The following DZIP3 variants were observed in gnomAD, a reference collection of about 807,000 sequenced individuals.
DZIP3 encodes DAZ interacting zinc finger protein 3.
In DZIP3, 118 loss-of-function variants were observed where a neutral mutation model predicts 162.0. The ratio of observed to expected loss-of-function variants is 0.73; its 90% CI spans 0.63 to 0.85. The LOEUF is 0.85. Ranked by LOEUF, DZIP3 falls within the 40% of genes least tolerant of loss-of-function variation. DZIP3 has a pLI of 0.00. For synonymous variants in DZIP3, 438 were observed against 458.6 expected (o/e 0.96, Z 0.57); for missense variants, 1,331 against 1,407.0 (o/e 0.95, Z 0.86).
At chr3:108,623,394 G>A (rs762017987) in intron 5 of DZIP3, among the ~76,000 whole-genome samples, 11 of 152,168 alleles carry the variant, frequency 7.2e-5, no homozygotes, top group Non-Finnish European at 1.5e-4. Flanking sequence ...AATGAACCCC[G>A]CCAGGACTGG....
chr3:108,641,165 A>G (rs1161446726), intron 12 of DZIP3, among the ~76,000 whole-genome samples: 25 of 152,142 alleles, frequency 1.6e-4, no homozygotes, highest in African/African-American at 6.0e-4. Flanking sequence ...CACAGCATGT[A>G]TAGTGTAAGA....
chr3:108,652,737 GTTATGTT>G (rs1489628095), intron 18 of DZIP3, among the ~76,000 whole-genome samples: 4 of 151,790 alleles, frequency 2.6e-5, no homozygotes, highest in African/African-American at 4.8e-5. Flanking sequence ...TGTACAATAT[GTTATGTT>G]TTATATTGTA....
rs1255264816 is a variant in DZIP3 at position 108,644,279 on chromosome 3, T to G, written c.1257T>G (p.Pro419=). 2 of 1,613,918 alleles carry G rather than the reference T, an allele frequency of 1.2e-6. No individual in the cohort carries two copies. The highest frequency in any genetic ancestry group is 8.5e-7 in the Non-Finnish European group (1 of 1,179,960). The change falls in exon 14 of 33, where the codon CCT becomes CCG. Residue 419 remains proline (P), a synonymous_variant. Transcript: ENST00000361582. ...TATTTGATGAGGCTATGCCACCTCC[T>G]CTTTTGAAAAAAGAGCTTCTTATAC... The part of the protein sequence containing the change: ...RQIFDEAMPP[P]LLKKELLIHK...
At chr3:108,621,360 G>A (rs944997714) in intron 5 of DZIP3, among the ~76,000 whole-genome samples, 1 of 152,088 alleles carries the variant, frequency 6.6e-6, no homozygotes, top group Non-Finnish European at 1.5e-5. Flanking sequence ...ATACTTTGAT[G>A]CAGGCATACA....
chr3:108,662,206 T>C lies in DZIP3; in HGVS notation c.2372T>C (p.Ile791Thr). Reference sequence around the variant, plus strand: ...ATGCAGATTAAAAAGAAAGACAAAATTATCGCATCTCTTAATCAACAAGTT... The same window carrying C: ...ATGCAGATTAAAAAGAAAGACAAAACTATCGCATCTCTTAATCAACAAGTT... ...NQMQIKKKDKIIASLNQQVAF... is the reference protein window; with the variant it reads ...NQMQIKKKDKTIASLNQQVAF... Residue 791 changes from isoleucine to threonine, a missense_variant, in exon 21 of 33, where the codon ATT (isoleucine) becomes ACT (threonine). By Grantham distance (89) the Ile-to-Thr change is moderately conservative (BLOSUM62 -1). This residue lies in a region of DZIP3 where 1,278 missense variants were observed against 1,317.1 expected (regional missense o/e 0.97). Coordinates refer to ENST00000361582, the MANE Select transcript of DZIP3 (RefSeq NM_014648.4). 6.2e-7 allele frequency: 1 copy of C among 1,609,742 alleles called. No individual in the cohort carries two copies. Among genetic ancestry groups the C allele is most frequent in the Non-Finnish European group, 8.5e-7 (1 of 1,178,916 alleles).
chr3:108,606,507 A>G (rs1373586610), intron 2 of DZIP3, among the ~76,000 whole-genome samples: 2 of 152,208 alleles, frequency 1.3e-5, no homozygotes, highest in Non-Finnish European at 2.9e-5. Context: ...GGCAAATTGC[A>G]TAACTATTAG....
intron 8 of DZIP3, among the ~76,000 whole-genome samples, chr3:108,631,008 TACACACACACACACACAC>T (rs779771238): frequency 7.3e-5 from 2 of 27,450 alleles, no homozygotes; most frequent in African/African-American, 1.9e-4. Context: ...ATACATCCCC[TACACACACACACACACAC>T]ACACACACAC....
intron 1 of DZIP3, among the ~76,000 whole-genome samples, chr3:108,595,137 A>G (rs1939642187): frequency 6.6e-6 from 1 of 152,200 alleles, no homozygotes; most frequent in African/African-American, 2.4e-5. Context: ...GGTATTTTTT[A>G]GGGTAAAATA....
chr3:108,680,813 A>G (rs1271790789), intron 26 of DZIP3, among the ~76,000 whole-genome samples: 1 of 152,190 alleles, frequency 6.6e-6, no homozygotes, highest in East Asian at 1.9e-4. Flanking sequence ...ATTTACAACC[A>G]TCTGATCTTT....
At chr3:108,643,267 G>A (rs549879315) in intron 13 of DZIP3, among the ~76,000 whole-genome samples, 8 of 152,164 alleles carry the variant, frequency 5.3e-5, no homozygotes, top group Admixed American at 3.3e-4. Context: ...CACTTCAGCC[G>A]ACTTTTCTCC....
At chr3:108,603,441 T>C (rs889848737) in intron 1 of DZIP3, among the ~76,000 whole-genome samples, 1 of 152,226 alleles carries the variant, frequency 6.6e-6, no homozygotes, top group Non-Finnish European at 1.5e-5. Flanking sequence ...CTGTAGTTTG[T>C]ATCTTTCATC....
chr3:108,657,173 A>ATCT (rs1341642467), intron 19 of DZIP3, among the ~76,000 whole-genome samples: 1 of 152,202 alleles, frequency 6.6e-6, no homozygotes, highest in Non-Finnish European at 1.5e-5. Context: ...AGCAACTCCA[A>ATCT]GACACATAAT....
At chr3:108,638,054 A>G (rs1576398004) in intron 12 of DZIP3, among the ~76,000 whole-genome samples, 1 of 152,100 alleles carries the variant, frequency 6.6e-6, no homozygotes, top group African/African-American at 2.4e-5. Flanking sequence ...TAACGTGTAA[A>G]TGCCATTTTT....
intron 8 of DZIP3, among the ~76,000 whole-genome samples, chr3:108,631,113 T>C (rs1462765679): frequency 7.0e-6 from 1 of 142,764 alleles, no homozygotes; most frequent in African/African-American, 2.6e-5. Context: ...CTGGTAGTTA[T>C]GTTTTTGTTA....
chr3:108,605,387 G>A lies in DZIP3; in HGVS notation c.-20G>A. 1 of 1,613,282 alleles carries A rather than the reference G, an allele frequency of 6.2e-7. No homozygotes were observed. Among genetic ancestry groups the A allele is most frequent in the South Asian group, 1.1e-5 (1 of 91,006 alleles). ...TGGCAAGCAGTGGAATAAGATTTTT[G>A]TAAAGAAACCTTGTGCAGCATGGAT... On this transcript the variant is annotated 5_prime_UTR_variant, in exon 2 of 33. Transcript: ENST00000361582.
At chr3:108,674,908 A>T (rs1248211115) in intron 24 of DZIP3, among the ~76,000 whole-genome samples, 1 of 151,900 alleles carries the variant, frequency 6.6e-6, no homozygotes, top group Non-Finnish European at 1.5e-5. Context: ...AGAGTCTTTG[A>T]TGTTAGCTAG....
chr3:108,647,210 CTT>C (rs1942663664), intron 15 of DZIP3, among the ~76,000 whole-genome samples: 2 of 152,282 alleles, frequency 1.3e-5, no homozygotes, highest in South Asian at 4.1e-4. Flanking sequence ...TACCTTCCTG[CTT>C]TCTCTGTTTG....
At chr3:108,656,730 T>C (rs1010035830) in intron 19 of DZIP3, among the ~76,000 whole-genome samples, 1 of 151,750 alleles carries the variant, frequency 6.6e-6, no homozygotes, top group African/African-American at 2.4e-5. Context: ...GGCAAAGAAA[T>C]TAAAAACCTT....
At chr3:108,678,255 G>A (rs1324979013) in intron 26 of DZIP3, among the ~76,000 whole-genome samples, 6 of 151,740 alleles carry the variant, frequency 4.0e-5, no homozygotes, top group Admixed American at 3.9e-4. Flanking sequence ...CTACATTATA[G>A]TGAGTTATAT....
Sources: allele counts gnomAD v4.1 joint callset (sites outside exome capture counted in the v4.1 genomes callset), GRCh38; gene constraint gnomAD v4.1.1; regional missense constraint gnomAD v4.1.1; transcripts MANE v1.5; gene names NCBI Gene and HGNC (gene_info 2026-07-23, HGNC 2026-07-21).